Variants in SVIL observed in about 807,000 individuals in gnomAD.
SVIL encodes archvillin.
Under a neutral mutation model 240.4 loss-of-function variants are expected in SVIL, and 101 were observed. That is an observed-to-expected ratio of 0.42 (90% CI 0.36 to 0.50). The LOEUF (loss-of-function observed/expected upper bound fraction) is 0.50. Ranked by LOEUF, SVIL falls within the 20% of genes least tolerant of loss-of-function variation. SVIL has a pLI of 0.01. For missense variants in SVIL, 2,512 were observed against 2,818.7 expected, an observed-to-expected ratio of 0.89 and a Z score of 2.46; for synonymous variants, 999 against 1,100.0, an observed-to-expected ratio of 0.91 and a Z score of 1.82.
chr10:29,698,975 A>G (rs1962298371), intron 1 of SVIL, among the ~76,000 whole-genome samples: 1 of 152,202 alleles, frequency 6.6e-6, no homozygotes, highest in South Asian at 2.1e-4. Context: ...AAGCACCCTC[A>G]TCGAATGACA....
At position 29,723,926 on chromosome 10, in the gene SVIL, A is replaced by G. The variant is rs1331072195; in HGVS notation, c.-400+11825T>C. The stretch of plus-strand genomic sequence containing the variant: ...GGAGAAAAAGGGTTGGGTGAAGATT[A>G]TGCAAACACAGCACTTAACTTTTCA... On this transcript the variant is annotated intron_variant, in intron 1 of 35. Transcript: ENST00000375400. 4.6e-5 allele frequency among the ~76,000 whole-genome samples: 7 copies of G among 152,364 alleles called. No homozygotes were observed. The South Asian group carries it at 1.4e-3, about 32-fold the overall frequency.
At chr10:29,701,827 G>A (rs1309080737) in intron 1 of SVIL, among the ~76,000 whole-genome samples, 1 of 152,114 alleles carries the variant, frequency 6.6e-6, no homozygotes, top group Non-Finnish European at 1.5e-5. Context: ...CAAATAAAAT[G>A]TTTCTAAATG....
intron 17 of SVIL, among the ~76,000 whole-genome samples, chr10:29,502,440 T>G (rs927249234): frequency 1.3e-5 from 2 of 152,188 alleles, no homozygotes; most frequent in African/African-American, 2.4e-5. Context: ...TCTTTCCTTG[T>G]TTAGAGAAGG....
chr10:29,485,990 C>T, intron 26 of SVIL, 95 bp downstream of exon 26: 4 of 1,451,988 alleles, frequency 2.8e-6, no homozygotes, highest in Non-Finnish European at 3.8e-6. Context: ...ACTGGCTAAC[C>T]TTTATTGGGA....
chr10:29,567,317 T>C (rs1955053886), intron 2 of SVIL, among the ~76,000 whole-genome samples: 1 of 152,236 alleles, frequency 6.6e-6, no homozygotes, highest in African/African-American at 2.4e-5. Flanking sequence ...TTACAATGAC[T>C]GTCCAGCACC....
At position 29,470,232 on chromosome 10, in the gene SVIL, G is replaced by A; in HGVS notation, c.5843+44C>T. ...CCCTGAGCCTGCCCCGTCCCTCTGGGAAGCCCGGTGTGTGGGGGGACTCGC... is the reference window on the plus strand; with the variant it reads ...CCCTGAGCCTGCCCCGTCCCTCTGGAAAGCCCGGTGTGTGGGGGGACTCGC... On this transcript the variant is annotated intron_variant, in intron 32 of 37. Coordinates refer to ENST00000355867, the MANE Select transcript of SVIL (RefSeq NM_021738.3). The A allele has an allele frequency of 1.9e-6, 3 of 1,590,970 alleles. No homozygotes were observed. In the South Asian group the frequency reaches 3.3e-5, roughly 18 times the overall value.
At chr10:29,542,633 G>A (rs575233145) in intron 6 of SVIL, among the ~76,000 whole-genome samples, 1 of 152,238 alleles carries the variant, frequency 6.6e-6, no homozygotes, top group African/African-American at 2.4e-5. Context: ...CATGGAGAAT[G>A]GGGTATCCAT....
rs756639241 is a variant in SVIL at position 29,555,092 on chromosome 10, T to C, written c.-34A>G. The C allele has an allele frequency of 6.2e-7, 1 of 1,611,040 alleles. No individual in the cohort carries two copies. The highest frequency in any genetic ancestry group is 2.2e-5 in the East Asian group (1 of 44,860). On this transcript the variant is annotated 5_prime_UTR_variant, in exon 4 of 38. Coordinates refer to ENST00000355867, the MANE Select transcript of SVIL (RefSeq NM_021738.3). ...ATTCTTTCTTCTTTGGTTCAAAGAT[T>C]TGTCTTAATTCTGCAACTGGAAGAA...
chr10:29,695,723 G>C (rs1961877178), intron 1 of SVIL, among the ~76,000 whole-genome samples: 1 of 151,932 alleles, frequency 6.6e-6, no homozygotes, highest in African/African-American at 2.4e-5. Context: ...CAGCCTGGGC[G>C]ACAGAGCAAG....
intron 3 of SVIL, among the ~76,000 whole-genome samples, chr10:29,657,180 T>C (rs2505920): frequency 0.25 from 38,287 of 152,138 alleles, 4,879 homozygotes; most frequent in East Asian, 0.3. Context: ...TAATTGTTAA[T>C]GTATTTATTA....
chr10:29,704,489 T>C (rs777823517), intron 1 of SVIL, among the ~76,000 whole-genome samples: 2 of 152,186 alleles, frequency 1.3e-5, no homozygotes, highest in Non-Finnish European at 2.9e-5. Flanking sequence ...CTGGAACTCC[T>C]GGCCTCAAGT....
chr10:29,591,571 C>T (rs1956391179), intron 1 of SVIL, among the ~76,000 whole-genome samples: 3 of 152,142 alleles, frequency 2.0e-5, no homozygotes, highest in Non-Finnish European at 1.5e-5. Flanking sequence ...TGCTACTGTG[C>T]GAACATTTTA....
At position 29,506,728 on chromosome 10, in the gene SVIL, A is replaced by T. The variant is rs1273106489; in HGVS notation, c.3516+6007T>A. Among the ~76,000 whole-genome samples, 16 of 134,184 alleles carry T rather than the reference A, an allele frequency of 1.2e-4. No individual in the cohort carries two copies. The South Asian group carries it at 3.1e-3, about 26-fold the overall frequency. 88.0% of individuals were successfully genotyped at this position (134,184 alleles called of 152,430 possible). A position where few individuals can be genotyped will look rare whatever the true frequency, so the allele number is the denominator to read the frequency against. On this transcript the variant is annotated intron_variant, in intron 17 of 37. Coordinates refer to ENST00000355867, the MANE Select transcript of SVIL (RefSeq NM_021738.3). ...CGAGGGAGGGGATAGAGACTCTACG[A>T]AGGAGGGGACAGAGGCCCTAGAGGG...
At position 29,495,132 on chromosome 10, in the gene SVIL, A is replaced by G. The variant is rs774949832; in HGVS notation, c.3714T>C (p.Gly1238=). Residue 1238 remains glycine (G), a synonymous_variant, in exon 19 of 38, where the codon GGT becomes GGC. Transcript: ENST00000355867. ...AITPVASPIC[G]KTRGTTPVSK... ...AAACGGGTGTGGTGCCTCTTGTTTT[A>G]CCGCAAATGGGTGAGGCTACTGGGG... The G allele has an allele frequency of 1.3e-6, 2 of 1,586,970 alleles. No homozygotes were observed. The highest frequency in any genetic ancestry group is 8.6e-7 in the Non-Finnish European group (1 of 1,163,026).
Position 29,480,575 on chromosome 10 carries a change from G to T in SVIL, c.5339C>A (p.Ala1780Asp). 1.2e-6 allele frequency: 2 copies of T among 1,613,736 alleles called. No individual in the cohort carries two copies. The change falls in exon 29 of 38, where the codon GCC becomes GAC. Residue 1780 changes from alanine to aspartate, a missense_variant. Ala to Asp is a moderately radical substitution (Grantham distance 126). Transcript: ENST00000355867. ...QSIGQFHEGD[A>D]YVVKWKFMVS... The stretch of plus-strand genomic sequence containing the variant: ...CATGAACTTCCACTTGACCACATAG[G>T]CATCCCCCTCATGGAACTGCCCGAT...
chr10:29,466,572 G>A lies in SVIL; in HGVS notation c.5978-822C>T, dbSNP rs753309836. Among the ~76,000 whole-genome samples the A allele has an allele frequency of 6.6e-5, 10 of 152,086 alleles. 1 individual carries two copies. Among genetic ancestry groups the A allele is most frequent in the Non-Finnish European group, 7.3e-5 (5 of 68,028 alleles). The stretch of plus-strand genomic sequence containing the variant: ...TAAAAAGTATTCAAACTGCATTATT[G>A]TATAAGGGAGAAAAATCAGAAATAA... On this transcript the variant is annotated intron_variant, in intron 33 of 37. Coordinates refer to ENST00000355867, the MANE Select transcript of SVIL (RefSeq NM_021738.3).
intron 2 of SVIL, among the ~76,000 whole-genome samples, chr10:29,666,381 T>C (rs1959294821): frequency 6.6e-6 from 1 of 152,220 alleles, no homozygotes; most frequent in African/African-American, 2.4e-5. Context: ...GCATCTGACT[T>C]CTCTGCCTGG....
intron 2 of SVIL, among the ~76,000 whole-genome samples, chr10:29,660,651 C>A (rs1387822490): frequency 6.6e-6 from 1 of 152,112 alleles, no homozygotes; most frequent in Non-Finnish European, 1.5e-5. Flanking sequence ...GAAGAAAGGG[C>A]AGAATAGAAA....
In SVIL at chr10:29,465,681, G is replaced by A. The variant is rs1264243330; in HGVS notation, c.6047C>T (p.Thr2016Ile). Reference sequence around the variant, plus strand: ...GGCTCGGGCAGGGTACACAAACTCTGTGGCTGCAAAATCCCCAGAGGAGCT... The same window carrying A: ...GGCTCGGGCAGGGTACACAAACTCTATGGCTGCAAAATCCCCAGAGGAGCT... ...LSSSSGDFAA[T>I]EFVYPARAPS... Residue 2016 changes from threonine to isoleucine, a missense_variant, in exon 34 of 38, where the codon ACA becomes ATA. Around this residue, in one of 3 missense-constraint regions of SVIL, gnomAD observed 797 missense variants for 925.3 expected, o/e 0.86. Transcript: ENST00000355867. The A allele has an allele frequency of 1.2e-6, 2 of 1,613,374 alleles. No homozygotes were observed. The highest frequency in any genetic ancestry group is 1.7e-5 in the Admixed American group (1 of 60,004).
Sources: allele counts gnomAD v4.1 joint callset (sites outside exome capture counted in the v4.1 genomes callset), GRCh38; gene constraint gnomAD v4.1.1; regional missense constraint gnomAD v4.1.1; transcripts MANE v1.5; gene names NCBI Gene and HGNC (gene_info 2026-07-23, HGNC 2026-07-21).